The following GPR55 variants were observed in gnomAD, a reference collection of about 807,000 sequenced individuals.
GPR55 encodes G protein-coupled receptor 55.
Under a neutral mutation model 7.9 loss-of-function variants are expected in GPR55, and 6 were observed. That is an observed-to-expected ratio of 0.76 (90% CI 0.41 to 1.49). The LOEUF is 1.49. Among genes scored for constraint, GPR55 ranks in the 40% most tolerant of loss-of-function variants. The pLI is 0.01. For synonymous variants in GPR55, 183 were observed against 166.8 expected, an observed-to-expected ratio of 1.10 and a Z score of -0.75; for missense variants, 376 against 406.0, an observed-to-expected ratio of 0.93 and a Z score of 0.63.
chr2:230,940,399 C>T (rs1390093931), intron 1 of GPR55, among the ~76,000 whole-genome samples: 1 of 152,192 alleles, frequency 6.6e-6, no homozygotes, highest in Non-Finnish European at 1.5e-5. Context: ...AGGCCCAAAA[C>T]TGCTGTGAAT....
intron 1 of GPR55, among the ~76,000 whole-genome samples, chr2:230,945,101 A>G (rs1691290410): frequency 6.6e-6 from 1 of 152,232 alleles, no homozygotes; most frequent in Non-Finnish European, 1.5e-5. Flanking sequence ...CTCGGTAGTA[A>G]CAAATTCTGG....
At chr2:230,917,931 T>A (rs796591100) in intron 1 of GPR55, among the ~76,000 whole-genome samples, 50 of 145,320 alleles carry the variant, frequency 3.4e-4, no homozygotes, top group Non-Finnish European at 5.9e-4. Flanking sequence ...TTGGTTGTTT[T>A]AAAAAAAAAA....
Position 230,908,231 on chromosome 2 carries a change from C to G in GPR55, c.*1772G>C, listed in dbSNP as rs1397579293. The G allele has an allele frequency of 6.5e-6, 1 of 152,750 alleles. No individual in the cohort carries two copies. The highest frequency in any genetic ancestry group is 2.4e-5 in the African/African-American group (1 of 41,432). 9.5% of individuals were successfully genotyped at this position (152,750 alleles called of 1,614,324 possible). ...GAGCCTCCGATCCCTCTGGTCTGGT[C>G]TGGTCTGGTCTGGTCACTCCTCCAC... On this transcript the variant is annotated 3_prime_UTR_variant, in exon 2 of 2. Transcript: ENST00000650999.
chr2:230,925,453 G>C (rs567708574), upstream of GPR55, among the ~76,000 whole-genome samples: 6 of 152,216 alleles, frequency 3.9e-5, no homozygotes, highest in African/African-American at 1.4e-4. Context: ...CCTCTTGGAA[G>C]ATCTGCACGC....
intron 1 of GPR55, among the ~76,000 whole-genome samples, chr2:230,947,307 T>G (rs1023625695): frequency 2.6e-5 from 4 of 152,158 alleles, no homozygotes; most frequent in Admixed American, 6.5e-5. Flanking sequence ...CAGCTGCACC[T>G]TGGACGTGCA....
intron 1 of GPR55, among the ~76,000 whole-genome samples, chr2:230,920,866 A>C (rs1267289638): frequency 2.6e-5 from 4 of 152,180 alleles, no homozygotes; most frequent in Non-Finnish European, 5.9e-5. Flanking sequence ...ATTTATAAAC[A>C]ATTGTTAATA....
chr2:230,957,341 G>A (rs1305942398), intron 1 of GPR55, among the ~76,000 whole-genome samples: 1 of 152,206 alleles, frequency 6.6e-6, no homozygotes, highest in East Asian at 1.9e-4. Context: ...CTTGAACACC[G>A]GCACTGCGAT....
Position 230,944,359 on chromosome 2 carries a change from G to C in GPR55, c.-135+16416C>G, listed in dbSNP as rs560587061. On this transcript the variant is annotated intron_variant, in intron 1 of 1. Transcript: ENST00000392039. The surrounding 1 kb of genome is among the most constrained non-coding windows in gnomAD (Gnocchi z 4.2). ...AGTCTGTGACCTGACAGCTGTGCCT[G>C]CTTCACCAGTGTAGAGACTTGGATC... 3.9e-5 allele frequency among the ~76,000 whole-genome samples: 6 copies of C among 152,318 alleles called. No homozygotes were observed. The South Asian group carries it at 1.2e-3, about 32-fold the overall frequency.
intron 1 of GPR55, among the ~76,000 whole-genome samples, chr2:230,937,776 T>C (rs921299737): frequency 1.3e-5 from 2 of 152,168 alleles, no homozygotes; most frequent in Non-Finnish European, 2.9e-5. Context: ...AGAATGTTTA[T>C]GCTAATTTCT....
chr2:230,932,682 T>C (rs78528059), intron 1 of GPR55, among the ~76,000 whole-genome samples: 8,664 of 152,238 alleles, frequency 0.057, 294 homozygotes, highest in East Asian at 0.13. Context: ...TGTGCCTGCA[T>C]GAGCCCCAAT....
intron 1 of GPR55, among the ~76,000 whole-genome samples, chr2:230,948,986 C>A (rs1048933471): frequency 1.3e-5 from 2 of 152,142 alleles, no homozygotes; most frequent in African/African-American, 4.8e-5. Context: ...GGAGGATAAT[C>A]TGAGCCAGGG....
At chr2:230,936,913 G>A (rs778352240) in intron 1 of GPR55, among the ~76,000 whole-genome samples, 2 of 152,216 alleles carry the variant, frequency 1.3e-5, no homozygotes, top group Non-Finnish European at 2.9e-5. Flanking sequence ...TTTTATGCTT[G>A]TATACAAAGG....
chr2:230,955,432 C>G (rs1574638056), intron 1 of GPR55, among the ~76,000 whole-genome samples: 1 of 152,340 alleles, frequency 6.6e-6, no homozygotes, highest in East Asian at 1.9e-4. Context: ...TCCTTGCTCA[C>G]CTTAACATAA....
intron 1 of GPR55, among the ~76,000 whole-genome samples, chr2:230,951,769 T>G (rs375521314): frequency 0.38 from 56,886 of 150,408 alleles, 11,799 homozygotes; most frequent in African/African-American, 0.53. Context: ...TTTTTTTTTT[T>G]TTTTTGTGAG....
intron 1 of GPR55, among the ~76,000 whole-genome samples, chr2:230,911,698 C>G (rs920941944): frequency 6.6e-6 from 1 of 152,090 alleles, no homozygotes; most frequent in Non-Finnish European, 1.5e-5. Context: ...CCTCTTGTAC[C>G]CCAAAGAGAA....
At chr2:230,926,716 G>C (rs1219159178), upstream of GPR55, among the ~76,000 whole-genome samples, 9 of 124,596 alleles carry the variant, frequency 7.2e-5, no homozygotes, top group African/African-American at 2.8e-4. Context: ...TTGATACAGA[G>C]TCTCGCTCTG....
intron 1 of GPR55, among the ~76,000 whole-genome samples, chr2:230,931,030 G>A (rs1231313428): frequency 3.3e-5 from 5 of 152,052 alleles, no homozygotes; most frequent in Admixed American, 6.5e-5. Flanking sequence ...CTACCTACCC[G>A]CCACTCCCCC....
At chr2:230,936,445 C>G (rs1691133870) in intron 1 of GPR55, among the ~76,000 whole-genome samples, 1 of 152,178 alleles carries the variant, frequency 6.6e-6, no homozygotes. Context: ...CTTGGCACTT[C>G]TCTTATGACG....
At chr2:230,947,265 A>T (rs1691332820) in intron 1 of GPR55, among the ~76,000 whole-genome samples, 3 of 152,204 alleles carry the variant, frequency 2.0e-5, no homozygotes, top group Non-Finnish European at 4.4e-5. Flanking sequence ...GAAGTTGGTT[A>T]GGTGTGCTGC....
Sources: allele counts gnomAD v4.1 joint callset (sites outside exome capture counted in the v4.1 genomes callset), GRCh38; gene constraint gnomAD v4.1.1; non-coding constraint Gnocchi (gnomAD v3.1); transcripts MANE v1.5; gene names NCBI Gene and HGNC (gene_info 2026-07-23, HGNC 2026-07-21).